EHBP1: variants seen among roughly 807,000 people sequenced by gnomAD.
EHBP1 encodes EH domain binding protein 1.
In EHBP1, 55 loss-of-function variants were observed where a neutral mutation model predicts 144.0. The ratio of observed to expected loss-of-function variants is 0.38; its 90% confidence interval spans 0.31 to 0.48. The LOEUF is 0.48. Among genes scored for constraint, EHBP1 ranks in the 20% least tolerant of loss-of-function variants. EHBP1 has a pLI of 0.98. For missense variants in EHBP1, 1,200 were observed against 1,364.2 expected, an observed-to-expected ratio of 0.88 and a Z score of 1.90; for synonymous variants, 469 against 472.7, an observed-to-expected ratio of 0.99 and a Z score of 0.10.
chr2:63,026,515 G>A (rs1429962321), intron 19 of EHBP1, among the ~76,000 whole-genome samples: 1 of 152,086 alleles, frequency 6.6e-6, no homozygotes. Flanking sequence ...CCTTTTTACA[G>A]ATGAGGAAAC....
intron 9 of EHBP1, among the ~76,000 whole-genome samples, chr2:62,867,193 T>A (rs1386533834): frequency 1.3e-5 from 2 of 152,296 alleles, no homozygotes; most frequent in South Asian, 2.1e-4. Context: ...ATTCTGGGTT[T>A]TATAACATAT....
intron 8 of EHBP1, among the ~76,000 whole-genome samples, chr2:62,863,835 GTGT>G (rs1358185046): frequency 0.023 from 2,045 of 87,444 alleles, 536 homozygotes; most frequent in African/African-American, 0.029. Flanking sequence ...TTATTTTTCT[GTGT>G]TGTTTTTTTT....
intron 10 of EHBP1, among the ~76,000 whole-genome samples, chr2:62,917,931 T>G (rs2054771138): frequency 6.6e-6 from 1 of 151,986 alleles, no homozygotes; most frequent in African/African-American, 2.4e-5. Context: ...TTATCTCACT[T>G]TGTCGCCCAG....
chr2:62,681,362 T>TATATATATATATATATATATATATATA (rs1469837895), intron 1 of EHBP1, among the ~76,000 whole-genome samples: 2 of 26,980 alleles, frequency 7.4e-5, no homozygotes, highest in Non-Finnish European at 1.3e-4. Context: ...ATATATATAA[T>TATATATATATATATATATATATATATA]GTGTATATAT....
intron 7 of EHBP1, among the ~76,000 whole-genome samples, chr2:62,848,870 A>G (rs549715932): frequency 6.6e-6 from 1 of 152,350 alleles, no homozygotes; most frequent in South Asian, 2.1e-4. Flanking sequence ...TCATTAAATT[A>G]TACAGTCTAA....
At chr2:63,008,487 T>G (rs1412252649) in intron 19 of EHBP1, among the ~76,000 whole-genome samples, 2 of 151,626 alleles carry the variant, frequency 1.3e-5, no homozygotes, top group Non-Finnish European at 3.0e-5. Flanking sequence ...GTTTAGTGTA[T>G]CTGTTTTTTA....
chr2:62,839,773 A>G (rs2047639919), intron 7 of EHBP1, among the ~76,000 whole-genome samples: 1 of 152,208 alleles, frequency 6.6e-6, no homozygotes, highest in South Asian at 2.1e-4. Context: ...TAGGAATCCA[A>G]CTTAAAAGGG....
At chr2:62,854,157 C>G (rs1237979173) in intron 7 of EHBP1, among the ~76,000 whole-genome samples, 3 of 152,216 alleles carry the variant, frequency 2.0e-5, no homozygotes, top group Non-Finnish European at 4.4e-5. Context: ...CCTCTCTCAG[C>G]CTTCACAGAA....
chr2:62,960,484 A>T (rs2057947653), intron 14 of EHBP1, among the ~76,000 whole-genome samples: 1 of 152,076 alleles, frequency 6.6e-6, no homozygotes, highest in South Asian at 2.1e-4. Flanking sequence ...TTTTGCTGTT[A>T]TTCTCTACCG....
At chr2:62,710,398 G>A (rs1285638825) in intron 2 of EHBP1, among the ~76,000 whole-genome samples, 1 of 151,616 alleles carries the variant, frequency 6.6e-6, no homozygotes, top group African/African-American at 2.4e-5. Flanking sequence ...ATTCTTAGTT[G>A]TGGTGGGAGG....
chr2:62,774,470 T>G (rs1339499073), intron 5 of EHBP1, among the ~76,000 whole-genome samples: 1 of 152,230 alleles, frequency 6.6e-6, no homozygotes, highest in African/African-American at 2.4e-5. Flanking sequence ...CGTTGCATTT[T>G]TCAAGTATTA....
intron 2 of EHBP1, among the ~76,000 whole-genome samples, chr2:62,727,465 C>T (rs1341471873): frequency 6.6e-5 from 10 of 152,042 alleles, no homozygotes; most frequent in Non-Finnish European, 1.0e-4. Context: ...GCAGTCACTC[C>T]GTATTCCTCT....
chr2:62,938,245 G>C (rs2056517754), intron 10 of EHBP1, among the ~76,000 whole-genome samples: 1 of 152,222 alleles, frequency 6.6e-6, no homozygotes, highest in Non-Finnish European at 1.5e-5. Flanking sequence ...ACTTGAGATA[G>C]TTTGAACTAT....
intron 2 of EHBP1, among the ~76,000 whole-genome samples, chr2:62,719,165 C>T (rs1257125038): frequency 1.3e-5 from 2 of 151,924 alleles, no homozygotes; most frequent in African/African-American, 4.8e-5. Flanking sequence ...CAAAGTTTTG[C>T]CATGTTGCCC....
intron 2 of EHBP1, among the ~76,000 whole-genome samples, chr2:62,738,791 G>A (rs1001175349): frequency 6.6e-6 from 1 of 152,020 alleles, no homozygotes; most frequent in African/African-American, 2.4e-5. Context: ...TTTTCAGAAC[G>A]CTTTCTTATG....
chr2:62,965,344 C>T (rs2058198589), intron 14 of EHBP1, among the ~76,000 whole-genome samples: 1 of 152,178 alleles, frequency 6.6e-6, no homozygotes, highest in African/African-American at 2.4e-5. Flanking sequence ...AAGAAATATG[C>T]ACGACTATTT....
chr2:62,985,502 C>A (rs1253988218), intron 15 of EHBP1, among the ~76,000 whole-genome samples: 1 of 152,188 alleles, frequency 6.6e-6, no homozygotes, highest in Non-Finnish European at 1.5e-5. Flanking sequence ...CAGTACTGAT[C>A]ATGTTGACCA....
At chr2:62,830,153 GACACACACACACACACACACACACACAC>G (rs368948717) in intron 6 of EHBP1, among the ~76,000 whole-genome samples, 3 of 132,136 alleles carry the variant, frequency 2.3e-5, no homozygotes, top group African/African-American at 8.7e-5. Flanking sequence ...TATATATATA[GACACACACACACACACACACACACACAC>G]ACACACACAC....
intron 14 of EHBP1, among the ~76,000 whole-genome samples, chr2:62,971,366 T>G (rs559046520): frequency 1.3e-5 from 2 of 151,890 alleles, no homozygotes; most frequent in Non-Finnish European, 3.0e-5. Flanking sequence ...TAAGTGAATG[T>G]AAACAAATTA....
Sources: gnomAD v4.1 joint callset for allele counts (sites outside exome capture counted in the v4.1 genomes callset) on GRCh38, gnomAD v4.1.1 for gene constraint, MANE v1.5 for transcripts, NCBI Gene and HGNC (gene_info 2026-07-23, HGNC 2026-07-21) for gene names.